Variants in FBXW10B observed in about 807,000 individuals in gnomAD.
The protein encoded by FBXW10B is F-box and WD repeat domain containing 10B.
At chr17:15,598,593 G>A in the FBXW10B span, 1 of 1,613,262 alleles carries the variant, frequency 6.2e-7, no homozygotes, top group South Asian at 1.1e-5. Flanking sequence ...CCATGCAAGT[G>A]ATAGTCCCCT....
chr17:15,611,549 C>T, the FBXW10B span, among the ~76,000 whole-genome samples: 1 of 152,242 alleles, frequency 6.6e-6, no homozygotes, highest in South Asian at 2.1e-4. Context: ...TCCATGACAG[C>T]CACACCGTCC....
chr17:15,619,654 G>C, the FBXW10B span: 1 of 1,499,500 alleles, frequency 6.7e-7, no homozygotes, highest in Non-Finnish European at 8.9e-7. Context: ...AAAGTAAATG[G>C]CTGCCATGGA....
At chr17:15,566,091 A>C in the FBXW10B span, 2 of 1,607,680 alleles carry the variant, frequency 1.2e-6, no homozygotes, top group South Asian at 2.2e-5. Flanking sequence ...TCAACCGATC[A>C]ACTGCACGTT....
At chr17:15,593,329 C>T in the FBXW10B span, 25 of 1,613,904 alleles carry the variant, frequency 1.5e-5, no homozygotes, top group Admixed American at 3.7e-4. Context: ...TCCACACCTA[C>T]CACCCACCTG....
the FBXW10B span, chr17:15,574,255 A>C: frequency 1.1e-5 from 7 of 617,374 alleles, no homozygotes; most frequent in South Asian, 1.3e-4. Context: ...TTATAGTTTA[A>C]AAAAAATGAT....
chr17:15,580,621 C>A, the FBXW10B span, among the ~76,000 whole-genome samples: 1 of 128,614 alleles, frequency 7.8e-6, no homozygotes, highest in Non-Finnish European at 1.7e-5. Context: ...GCCCCTCCCT[C>A]CAGCTCTATT....
At chr17:15,619,081 G>A in the FBXW10B span, 1 of 1,613,920 alleles carries the variant, frequency 6.2e-7, no homozygotes, top group Non-Finnish European at 8.5e-7. Context: ...ATTTGGGGTT[G>A]CACATCTGCA....
the FBXW10B span, among the ~76,000 whole-genome samples, chr17:15,611,023 C>CTT: frequency 1.8e-4 from 23 of 128,506 alleles, no homozygotes; most frequent in African/African-American, 4.5e-4. Flanking sequence ...AATGTGTTTT[C>CTT]TTTTTTTTTT....
chr17:15,604,384 A>C, the FBXW10B span, among the ~76,000 whole-genome samples: 984 of 152,298 alleles, frequency 6.5e-3, 9 homozygotes, highest in African/African-American at 0.022. Flanking sequence ...TCATTAGTAT[A>C]AAATTAGAAT....
chr17:15,565,880 T>C, the FBXW10B span: 9 of 1,611,802 alleles, frequency 5.6e-6, no homozygotes, highest in South Asian at 9.9e-5. Flanking sequence ...GGACCCGTAC[T>C]GCACACAGCC....
chr17:15,596,701 G>A, the FBXW10B span: 7 of 1,587,448 alleles, frequency 4.4e-6, no homozygotes, highest in South Asian at 6.8e-5. Flanking sequence ...TGGGAGTGGG[G>A]AAAAAGGGGG....
chr17:15,616,034 T>C, the FBXW10B span, among the ~76,000 whole-genome samples: 4 of 152,068 alleles, frequency 2.6e-5, no homozygotes, highest in Non-Finnish European at 4.4e-5. Context: ...ATGTCTCGAG[T>C]TGTTTATACA....
the FBXW10B span, among the ~76,000 whole-genome samples, chr17:15,580,726 G>T: frequency 3.4e-5 from 5 of 148,758 alleles, no homozygotes; most frequent in African/African-American, 4.9e-5. Context: ...GTAGTTACAT[G>T]TGTTTGTTTA....
chr17:15,603,058 A>G, the FBXW10B span, among the ~76,000 whole-genome samples: 1 of 143,882 alleles, frequency 7.0e-6, no homozygotes, highest in Non-Finnish European at 1.5e-5. Flanking sequence ...CTAATTTTGT[A>G]TTTTTAGTAG....
At chr17:15,603,844 G>A in the FBXW10B span, among the ~76,000 whole-genome samples, 1 of 149,314 alleles carries the variant, frequency 6.7e-6, no homozygotes, top group East Asian at 2.0e-4. Flanking sequence ...AGGCCGAGGC[G>A]GGTGGATCAT....
At chr17:15,596,443 G>A in the FBXW10B span, 3 of 1,349,568 alleles carry the variant, frequency 2.2e-6, no homozygotes, top group Non-Finnish European at 3.0e-6. Context: ...GACCTGAGGA[G>A]CTAGGTAGGG....
the FBXW10B span, among the ~76,000 whole-genome samples, chr17:15,575,475 T>C: frequency 6.7e-6 from 1 of 149,984 alleles, no homozygotes; most frequent in Non-Finnish European, 1.5e-5. Context: ...CTCCTCTTTG[T>C]AGCCGACTTC....
At chr17:15,585,544 G>A in the FBXW10B span, among the ~76,000 whole-genome samples, 3,299 of 152,234 alleles carry the variant, frequency 0.022, 82 homozygotes, top group East Asian at 0.12. Flanking sequence ...ACAAAAAGAC[G>A]GCAGAAGGAG....
chr17:15,596,306 C>T, the FBXW10B span, among the ~76,000 whole-genome samples: 1 of 152,202 alleles, frequency 6.6e-6, no homozygotes, highest in Non-Finnish European at 1.5e-5. Flanking sequence ...CCCCATGATA[C>T]TGTGGGTCAT....
Sources: allele counts gnomAD v4.1 joint callset (sites outside exome capture counted in the v4.1 genomes callset), GRCh38; gene constraint gnomAD v4.1.1; transcripts MANE v1.5; gene names NCBI Gene and HGNC (gene_info 2026-07-23, HGNC 2026-07-21).